The following NDUFC1 variants were observed in gnomAD, a reference collection of about 807,000 sequenced individuals.
NDUFC1 encodes NADH:ubiquinone oxidoreductase subunit C1.
A neutral mutation model predicts 11.6 loss-of-function variants in NDUFC1; 11 were observed. The observed-to-expected ratio is 0.95, with a 90% confidence interval of 0.60 to 1.58. The LOEUF (loss-of-function observed/expected upper bound fraction) is 1.58, where lower values mean the gene tolerates loss of function less well. Ranked by LOEUF, NDUFC1 falls within the 40% of genes most tolerant of loss-of-function variation. The pLI, the probability that NDUFC1 is intolerant of heterozygous loss-of-function variation, is 0.00. For missense variants in NDUFC1, 112 were observed against 93.0 expected (o/e 1.20, Z -0.84); for synonymous variants, 52 against 42.2 (o/e 1.23, Z -0.90).
chr4:139,293,930 A>ATTTTTTTTTTTTTTTTTTTT (rs775805536), intron 4 of NDUFC1, among the ~76,000 whole-genome samples: 1 of 69,716 alleles, frequency 1.4e-5, no homozygotes, highest in African/African-American at 6.4e-5. Flanking sequence ...TGTGGTGTGA[A>ATTTTTTTTTTTTTTTTTTTT]TTTTTTTTTT....
At chr4:139,300,685 C>G (rs1745674555) in intron 1 of NDUFC1, 2 of 152,150 alleles carry the variant, frequency 1.3e-5, no homozygotes, top group African/African-American at 4.8e-5. Flanking sequence ...CAGTCTTTGG[C>G]TTCTAAGATC....
At chr4:139,291,092 G>A (rs917803558) in intron 5 of NDUFC1, among the ~76,000 whole-genome samples, 11 of 150,712 alleles carry the variant, frequency 7.3e-5, no homozygotes, top group African/African-American at 1.5e-4. Context: ...GATTACAGGC[G>A]TGAGCCACTG....
At position 139,291,216 on chromosome 4, in the gene NDUFC1, C is replaced by T. The variant is rs17050736; in HGVS notation, c.*21-1124G>A. ...TCATAACTAGGTTTTTTACCAGGAA[C>T]TGTCCAACTGGGTATTAGTTGAGTT... On this transcript the variant is annotated intron_variant, in intron 5 of 5. Transcript: ENST00000394223. Among the ~76,000 whole-genome samples the T allele has an allele frequency of 7.4e-3, 1,126 of 152,078 alleles. 10 individuals carry two copies. The highest frequency in any genetic ancestry group is 0.039 in the South Asian group (186 of 4,826).
At chr4:139,301,848 G>T in intron 1 of NDUFC1, 1 of 1,582,740 alleles carries the variant, frequency 6.3e-7, no homozygotes, top group Non-Finnish European at 8.6e-7. Context: ...GTGAGGCTCC[G>T]GGCAAGCGGT....
intron 1 of NDUFC1, among the ~76,000 whole-genome samples, chr4:139,300,408 TAA>T (rs1337954312): frequency 2.0e-5 from 3 of 152,158 alleles, no homozygotes; most frequent in African/African-American, 7.2e-5. Flanking sequence ...CAAATAAATT[TAA>T]AACAGTAAAA....
chr4:139,294,035 G>A (rs1324233346), intron 4 of NDUFC1, among the ~76,000 whole-genome samples: 2 of 143,908 alleles, frequency 1.4e-5, no homozygotes, highest in Non-Finnish European at 3.0e-5. Context: ...TCCACCTCCC[G>A]GGTTCACACC....
intron 4 of NDUFC1, among the ~76,000 whole-genome samples, chr4:139,293,694 A>C (rs903394375): frequency 5.9e-5 from 9 of 152,164 alleles, no homozygotes; most frequent in Non-Finnish European, 1.2e-4. Flanking sequence ...ATAAAAAACA[A>C]AATTTTAAAT....
chr4:139,295,268 C>A, intron 3 of NDUFC1, 122 bp from the exon 4 acceptor site: 1 of 748,564 alleles, frequency 1.3e-6, no homozygotes, highest in Non-Finnish European at 2.3e-6. Flanking sequence ...CCCACTTAAA[C>A]AGCCAAGGAA....
chr4:139,290,198 C>T (rs1745153234), intron 5 of NDUFC1, 106 bp from the exon 6 acceptor site: 1 of 151,326 alleles, frequency 6.6e-6, no homozygotes, highest in Admixed American at 6.6e-5. Context: ...TAGAAAAGAC[C>T]CACAAAGAGT....
intron 2 of NDUFC1, 147 bp from the exon 3 acceptor site, chr4:139,296,107 T>TTATTA: frequency 2.3e-6 from 1 of 431,094 alleles, no homozygotes; most frequent in Non-Finnish European, 4.1e-6. Context: ...GAAAGAAAAG[T>TTATTA]GTCGTGCTGA....
chr4:139,293,885 T>C (rs1056046830), intron 4 of NDUFC1, among the ~76,000 whole-genome samples: 2 of 151,652 alleles, frequency 1.3e-5, no homozygotes, highest in African/African-American at 4.8e-5. Flanking sequence ...CGTAGTGTTG[T>C]TGAAATGATT....
intron 5 of NDUFC1, among the ~76,000 whole-genome samples, chr4:139,291,009 G>A (rs1429571857): frequency 2.0e-5 from 3 of 151,076 alleles, no homozygotes; most frequent in African/African-American, 7.3e-5. Flanking sequence ...ATGGGGTTTC[G>A]CCACGTTGGC....
At chr4:139,295,209 A>T in intron 3 of NDUFC1, 63 bp from the exon 4 acceptor site, 2 of 1,252,284 alleles carry the variant, frequency 1.6e-6, no homozygotes, top group South Asian at 2.4e-5. Flanking sequence ...AAACCCTAAC[A>T]TTTACGTGCG....
Position 139,298,940 on chromosome 4 carries a change from C to T in NDUFC1, c.-221-1497G>A, listed in dbSNP as rs184127372. Among the ~76,000 whole-genome samples the T allele has an allele frequency of 5.3e-4, 80 of 151,152 alleles. 1 individual carries two copies. The East Asian group carries it at 0.015, about 28-fold the overall frequency. On this transcript the variant is annotated intron_variant, in intron 1 of 5. Coordinates refer to ENST00000394223, the MANE Select transcript of NDUFC1 (RefSeq NM_001184989.2). ...TCTTCCTGCCTCAGCCTCCCAGTGT[C>T]GGGATTATAGGTATGAGGCATTATG... is the stretch of plus-strand genomic sequence containing the variant.
At chr4:139,297,801 GGCCTCTAATCCTA>G (rs1354802611) in intron 1 of NDUFC1, among the ~76,000 whole-genome samples, 1 of 152,210 alleles carries the variant, frequency 6.6e-6, no homozygotes, top group Non-Finnish European at 1.5e-5. Context: ...CAGTGGCTCA[GGCCTCTAATCCTA>G]GCACTTTGTG....
Position 139,295,824 on chromosome 4 carries a change from C to T in NDUFC1, c.-26G>A. ...CTTGCGTGGCCCAGCTCAGTCTCTCCGAGTTGGCAACAGAACCAGCGCCAC... is the reference window on the plus strand; with the variant it reads ...CTTGCGTGGCCCAGCTCAGTCTCTCTGAGTTGGCAACAGAACCAGCGCCAC... On this transcript the variant is annotated 5_prime_UTR_variant, in exon 3 of 6. Coordinates refer to ENST00000394223, the MANE Select transcript of NDUFC1 (RefSeq NM_001184989.2). The T allele has an allele frequency of 6.5e-7, 1 of 1,543,276 alleles. No homozygotes were observed. Among genetic ancestry groups the T allele is most frequent in the South Asian group, 1.2e-5 (1 of 83,434 alleles).
At chr4:139,290,559 A>G (rs1745168971) in intron 5 of NDUFC1, among the ~76,000 whole-genome samples, 2 of 152,008 alleles carry the variant, frequency 1.3e-5, no homozygotes, top group South Asian at 4.1e-4. Flanking sequence ...GAGTTATAAA[A>G]TATGGAAAAA....
chr4:139,291,794 G>A (rs1014401912), intron 5 of NDUFC1, among the ~76,000 whole-genome samples: 1 of 151,450 alleles, frequency 6.6e-6, no homozygotes, highest in Non-Finnish European at 1.5e-5. Context: ...AAAGCAAAGT[G>A]TAAAGCACTA....
rs147976423 is a variant in NDUFC1 at position 139,298,132 on chromosome 4, T to C, written c.-221-689A>G. 2.4e-3 allele frequency among the ~76,000 whole-genome samples: 371 copies of C among 152,272 alleles called. 2 individuals carry two copies. The highest frequency in any genetic ancestry group is 8.3e-3 in the African/African-American group (344 of 41,548). Reference sequence around the variant, plus strand: ...CTCCCCACACACCAAGATGTATCTATAAGTTTTTATTTTTTAAGACTCAGC... The same window carrying C: ...CTCCCCACACACCAAGATGTATCTACAAGTTTTTATTTTTTAAGACTCAGC... On this transcript the variant is annotated intron_variant, in intron 1 of 5. Transcript: ENST00000394223.
Sources: allele counts gnomAD v4.1 joint callset (sites outside exome capture counted in the v4.1 genomes callset), GRCh38; gene constraint gnomAD v4.1.1; transcripts MANE v1.5; gene names NCBI Gene and HGNC (gene_info 2026-07-23, HGNC 2026-07-21).